The following SYTL3 variants were observed in gnomAD, a reference collection of about 807,000 sequenced individuals.
SYTL3 encodes synaptotagmin like 3, also known as synaptotagmin-like protein 3.
A neutral mutation model predicts 82.1 loss-of-function variants in SYTL3; 88 were observed. That is an observed-to-expected ratio of 1.07 (90% CI 0.90 to 1.28). The LOEUF is 1.28. Among genes scored for constraint, SYTL3 ranks in the 50% most tolerant of loss-of-function variants. SYTL3 has a pLI of 0.00. For missense variants in SYTL3, 831 were observed against 757.6 expected, an observed-to-expected ratio of 1.10 and a Z score of -1.14; for synonymous variants, 311 against 289.4, an observed-to-expected ratio of 1.07 and a Z score of -0.76.
At chr6:158,710,996 G>C (rs1405040657) in intron 8 of SYTL3, among the ~76,000 whole-genome samples, 1 of 152,108 alleles carries the variant, frequency 6.6e-6, no homozygotes, top group Non-Finnish European at 1.5e-5. Context: ...TGGCCAGGCT[G>C]CTTTTGACCT....
In SYTL3 at chr6:158,725,944, G is replaced by A. The variant is rs921706777; in HGVS notation, c.855+307G>A. On this transcript the variant is annotated intron_variant, in intron 11 of 17. Coordinates refer to ENST00000611299, the MANE Select transcript of SYTL3 (RefSeq NM_001242394.2). ...TTCTGCAACTCGCGTAAACAGATAG[G>A]GCAGGAGGGCGCCGGTCAGCTTCTT... The A allele has an allele frequency of 1.3e-5, 9 of 675,574 alleles. No individual in the cohort carries two copies. In the Admixed American group the frequency reaches 1.7e-4, roughly 13 times the overall value. The allele number at this position is 675,574 out of a possible 1,614,324, so 41.8% of individuals were successfully genotyped here. A position where few individuals can be genotyped will look rare whatever the true frequency, so the allele number is the denominator to read the frequency against.
In SYTL3 at chr6:158,763,898, C is replaced by T. The variant is rs1281344633; in HGVS notation, c.1723+389C>T. Among the ~76,000 whole-genome samples the T allele has an allele frequency of 4.6e-5, 7 of 152,336 alleles. No individual in the cohort carries two copies. The East Asian group carries it at 7.7e-4, about 17-fold the overall frequency. On this transcript the variant is annotated intron_variant, in intron 17 of 17. Coordinates refer to ENST00000611299, the MANE Select transcript of SYTL3 (RefSeq NM_001242394.2). ...AACAGCAGTGCTGTCCAGAGCCGCT[C>T]GGCAGGGCACCGCCGGCATGGTAGG...
chr6:158,728,582 G>A (rs1239216216), intron 11 of SYTL3, among the ~76,000 whole-genome samples: 1 of 152,216 alleles, frequency 6.6e-6, no homozygotes, highest in East Asian at 1.9e-4. Flanking sequence ...GCTTTGTGAT[G>A]TTTTAAATGT....
chr6:158,672,122 C>T (rs1350569193), intron 5 of SYTL3, among the ~76,000 whole-genome samples: 1 of 152,120 alleles, frequency 6.6e-6, no homozygotes, highest in East Asian at 1.9e-4. Flanking sequence ...GAAACCCTGT[C>T]TCTACTAAAA....
chr6:158,753,750 A>AAT (rs1392098221), intron 13 of SYTL3, among the ~76,000 whole-genome samples: 1 of 146,514 alleles, frequency 6.8e-6, no homozygotes, highest in Non-Finnish European at 1.5e-5. Context: ...AAAAAAATGT[A>AAT]GTTATATAAT....
At chr6:158,704,634 C>T (rs992998605) in intron 6 of SYTL3, among the ~76,000 whole-genome samples, 4 of 152,238 alleles carry the variant, frequency 2.6e-5, no homozygotes, top group Admixed American at 2.0e-4. Flanking sequence ...GGCCTGCAGG[C>T]GGAGGGGTGA....
chr6:158,668,808 G>T (rs895228058), intron 5 of SYTL3, among the ~76,000 whole-genome samples: 1 of 152,172 alleles, frequency 6.6e-6, no homozygotes, highest in Non-Finnish European at 1.5e-5. Flanking sequence ...AAAGAGAAAG[G>T]TGAAAAGTGA....
intron 14 of SYTL3, among the ~76,000 whole-genome samples, chr6:158,759,525 GT>G (rs745449705): frequency 6.6e-6 from 1 of 152,114 alleles, no homozygotes; most frequent in East Asian, 1.9e-4. Flanking sequence ...GGACGGCTCT[GT>G]TTTTTGGTTG....
chr6:158,695,900 A>G (rs900207459), intron 6 of SYTL3, among the ~76,000 whole-genome samples: 3 of 152,214 alleles, frequency 2.0e-5, no homozygotes, highest in Non-Finnish European at 4.4e-5. Context: ...TGTCATGGAT[A>G]TACCATGCTT....
At chr6:158,707,166 C>G in intron 6 of SYTL3, 64 bp from the exon 7 acceptor site, 1 of 1,463,976 alleles carries the variant, frequency 6.8e-7, no homozygotes, top group Middle Eastern at 2.1e-4. Flanking sequence ...CTACTATTTC[C>G]TGTATTTACA....
At chr6:158,756,719 ATTTTTTTTTTTTT>A (rs758259824) in intron 13 of SYTL3, among the ~76,000 whole-genome samples, 1 of 48,566 alleles carries the variant, frequency 2.1e-5, no homozygotes, top group Admixed American at 3.6e-4. Flanking sequence ...TCAAAAAAAA[ATTTTTTTTTTTTT>A]TTTTTTTTTT....
chr6:158,720,196 G>A lies in SYTL3; in HGVS notation c.720+1985G>A, dbSNP rs146704377. ...GTGGGTGGATCACCTGAGTTCAGGC[G>A]TTCGAGAGCAGCCTAGCCAACATGG... On this transcript the variant is annotated intron_variant, in intron 10 of 17. Transcript: ENST00000611299. 2.7e-3 allele frequency among the ~76,000 whole-genome samples: 417 copies of A among 152,228 alleles called. 3 individuals are homozygous for A. Among genetic ancestry groups the A allele is most frequent in the South Asian group, 5.2e-3 (25 of 4,820 alleles).
At chr6:158,668,028 G>T (rs148589105) in intron 5 of SYTL3, among the ~76,000 whole-genome samples, 1 of 152,270 alleles carries the variant, frequency 6.6e-6, no homozygotes, top group Non-Finnish European at 1.5e-5. Flanking sequence ...TAAAACAATC[G>T]TGTGGGGTAG....
chr6:158,682,969 C>T lies in SYTL3; in HGVS notation c.374C>T (p.Ala125Val). 1.2e-6 allele frequency: 2 copies of T among 1,612,846 alleles called. No individual in the cohort carries two copies. The highest frequency in any genetic ancestry group is 8.5e-7 in the Non-Finnish European group (1 of 1,178,958). ...GGAGAATGGTTCTATGAGGAACGAG[C>T]CAAGAAATTTCCAACTGGAGGTAAA... Reference protein sequence around the residue: ...KTGEWFYEERAKKFPTGGKHE... With the variant: ...KTGEWFYEERVKKFPTGGKHE... The change falls in exon 6 of 18, where the codon GCC becomes GTC. Residue 125 changes from alanine (A) to valine (V), a missense_variant. Coordinates refer to ENST00000611299, the MANE Select transcript of SYTL3 (RefSeq NM_001242394.2).
chr6:158,648,605 AAAAAT>A (rs1787663965), upstream of SYTL3, among the ~76,000 whole-genome samples: 1 of 104,770 alleles, frequency 9.5e-6, no homozygotes, highest in South Asian at 2.7e-4. Flanking sequence ...AAAAAAAAAA[AAAAAT>A]AATAATAATA....
chr6:158,678,349 T>C (rs1333124190), intron 5 of SYTL3, among the ~76,000 whole-genome samples: 1 of 152,146 alleles, frequency 6.6e-6, no homozygotes, highest in Non-Finnish European at 1.5e-5. Flanking sequence ...ATGGTGAAAA[T>C]ACGTTAAGCA....
At chr6:158,677,204 C>T (rs1778137782) in intron 5 of SYTL3, among the ~76,000 whole-genome samples, 3 of 152,278 alleles carry the variant, frequency 2.0e-5, no homozygotes, top group Admixed American at 2.0e-4. Flanking sequence ...GGCACATATA[C>T]ACCATGGAAT....
At chr6:158,758,520 G>A (rs772260499) in intron 14 of SYTL3, among the ~76,000 whole-genome samples, 51 of 152,132 alleles carry the variant, frequency 3.4e-4, no homozygotes, top group Non-Finnish European at 5.7e-4. Flanking sequence ...CTCCGACCTG[G>A]ACATAAGGCA....
At chr6:158,757,576 C>T (rs978852760) in intron 14 of SYTL3, among the ~76,000 whole-genome samples, 195 bp downstream of exon 14, 2 of 149,316 alleles carry the variant, frequency 1.3e-5, no homozygotes, top group Non-Finnish European at 3.0e-5. Flanking sequence ...TTTTAACTGG[C>T]TCAGCTCTGT....
Sources: allele counts gnomAD v4.1 joint callset (sites outside exome capture counted in the v4.1 genomes callset), GRCh38; gene constraint gnomAD v4.1.1; transcripts MANE v1.5; gene names NCBI Gene and HGNC (gene_info 2026-07-23, HGNC 2026-07-21).